CCDC17: variants seen among roughly 807,000 people sequenced by gnomAD.
CCDC17 encodes the protein coiled-coil domain containing 17, also known as coiled-coil domain-containing protein 17.
In CCDC17, 79 loss-of-function variants were observed where a neutral mutation model predicts 68.0. The observed-to-expected ratio is 1.16, with a 90% CI of 0.97 to 1.40. The LOEUF is 1.40. CCDC17 is among the 40% of genes most tolerant of loss of function. CCDC17 has a pLI of 0.00. For synonymous variants in CCDC17, 376 were observed against 337.5 expected, an observed-to-expected ratio of 1.11 and a Z score of -1.25; for missense variants, 846 against 811.5, an observed-to-expected ratio of 1.04 and a Z score of -0.52.
chr1:45,622,056 C>A, intron 7 of CCDC17, 61 bp from the exon 8 acceptor site: 1 of 1,497,410 alleles, frequency 6.7e-7, no homozygotes. Flanking sequence ...AGCTGAGATA[C>A]CCCTCCCCCA....
Position 45,622,732 on chromosome 1 carries a change from C to A in CCDC17, c.740+19G>T, listed in dbSNP as rs368839811. The A allele has an allele frequency of 6.4e-7, 1 of 1,572,456 alleles. No individual in the cohort carries two copies. Among genetic ancestry groups the A allele is most frequent in the Non-Finnish European group, 8.6e-7 (1 of 1,158,450 alleles). On this transcript the variant is annotated intron_variant, in intron 5 of 12. Coordinates refer to ENST00000528266, the MANE Select transcript of CCDC17 (RefSeq NM_001114938.3). ...GCTCAGCGCTTCGCCCTATGCCCAT[C>A]TCCGGCCCCGGCTCTCACCGGATTT...
Position 45,622,675 on chromosome 1 carries a change from G to GT in CCDC17, c.741-9dup. 1 of 1,554,870 alleles carries GT rather than the reference G, an allele frequency of 6.4e-7. No homozygotes were observed. Among genetic ancestry groups the GT allele is most frequent in the Non-Finnish European group, 8.7e-7 (1 of 1,148,886 alleles). On this transcript the variant is annotated splice_polypyrimidine_tract_variant and intron_variant, in intron 5 of 12. Transcript: ENST00000528266. ...TAGGCCTCCCGCAGCGCCCTAGGGA[G>GT]TGGGGAACAGGAAGGCCGTCTTTCC...
At chr1:45,623,496 T>C (rs1432286286) in intron 2 of CCDC17, 57 bp from the exon 3 acceptor site, 3 of 1,549,042 alleles carry the variant, frequency 1.9e-6, no homozygotes, top group South Asian at 2.4e-5. Context: ...CCAAGTATGA[T>C]CTACAGGTTT....
intron 7 of CCDC17, 55 bp downstream of exon 7, chr1:45,622,186 C>T (rs973428021): frequency 9.2e-6 from 14 of 1,521,622 alleles, no homozygotes; most frequent in Middle Eastern, 3.4e-4. Context: ...CTGCCTGAGC[C>T]AGGCCTGCTG....
At position 45,623,136 on chromosome 1, in the gene CCDC17, A is replaced by C. The variant is rs1456223628; in HGVS notation, c.494-19T>G. 6.5e-7 allele frequency: 1 copy of C among 1,543,220 alleles called. No individual in the cohort carries two copies. Among genetic ancestry groups the C allele is most frequent in the African/African-American group, 1.4e-5 (1 of 72,796 alleles). On this transcript the variant is annotated intron_variant, in intron 3 of 12. Coordinates refer to ENST00000528266, the MANE Select transcript of CCDC17 (RefSeq NM_001114938.3). ...CTCAGTTCTGAGGGAATGCGGGCCG[A>C]GTCAGAACCGGCCCGAGCAAGCTTA...
Position 45,622,827 on chromosome 1 carries a change from G to T in CCDC17, c.664C>A (p.Leu222Met), listed in dbSNP as rs763870322. ...AGTTCTGCCTCTCGCCGGGAGCTCA[G>T]CGGGTTCCTGGGGTGGCAGGCGACG... ...QELQAEPGNP[L>M]SSRREAELYS... is the part of the protein sequence containing the mutation. The change falls in exon 5 of 13, where the codon CTG becomes ATG. Residue 222 changes from leucine (L) to methionine (M), a missense_variant. Leu to Met is a conservative substitution (Grantham distance 15, BLOSUM62 2). Transcript: ENST00000528266. 4 of 1,597,672 alleles carry T rather than the reference G, an allele frequency of 2.5e-6. No homozygotes were observed. In the East Asian group the frequency reaches 9.1e-5, roughly 36 times the overall value.
In CCDC17 at chr1:45,623,928, T is replaced by C; in HGVS notation, c.-19A>G. Reference sequence around the variant, plus strand: ...AGTCCATGGGATGGGACCCGTTTCCTGAAACCAGCCAAGACCTGCAGAAGG... The same window carrying C: ...AGTCCATGGGATGGGACCCGTTTCCCGAAACCAGCCAAGACCTGCAGAAGG... On this transcript the variant is annotated 5_prime_UTR_variant, in exon 1 of 13. Coordinates refer to ENST00000528266, the MANE Select transcript of CCDC17 (RefSeq NM_001114938.3). 2.7e-6 allele frequency: 4 copies of C among 1,475,798 alleles called. No homozygotes were observed. Among genetic ancestry groups the C allele is most frequent in the South Asian group, 1.4e-5 (1 of 71,938 alleles). 91.4% of individuals were successfully genotyped at this position (1,475,798 alleles called of 1,614,324 possible).
In CCDC17 at chr1:45,623,411, T is replaced by G; in HGVS notation, c.299A>C (p.Glu100Ala). The G allele has an allele frequency of 6.4e-7, 1 of 1,550,612 alleles. No homozygotes were observed. The highest frequency in any genetic ancestry group is 8.7e-7 in the Non-Finnish European group (1 of 1,146,980). Residue 100 changes from glutamate to alanine, a missense_variant, in exon 3 of 13, where the codon GAA (glutamate) becomes GCA (alanine). Transcript: ENST00000528266. ...GACCTCTGTTATCCAGGGCCGCATTTCCTGTAGGGATAGCCGCAGCCACTG... is the reference window on the plus strand; with the variant it reads ...GACCTCTGTTATCCAGGGCCGCATTGCCTGTAGGGATAGCCGCAGCCACTG... ...EVQWLRLSLQ[E>A]MRPWITEVPR...
At chr1:45,621,256 A>G (rs765668103) in intron 10 of CCDC17, 25 bp downstream of exon 10, 1 of 1,556,294 alleles carries the variant, frequency 6.4e-7, no homozygotes, top group African/African-American at 1.4e-5. Context: ...GCAGAGTACC[A>G]GAGTCATGAT....
Position 45,623,129 on chromosome 1 carries a change from CG to C in CCDC17, c.494-13del. The C allele has an allele frequency of 1.3e-6, 2 of 1,544,156 alleles. No homozygotes were observed. The highest frequency in any genetic ancestry group is 1.8e-6 in the Non-Finnish European group (2 of 1,142,644). ...GCGTCGGCTCAGTTCTGAGGGAATG[CG>C]GGCCGAGTCAGAACCGGCCCGAGCA... is the stretch of plus-strand genomic sequence containing the variant. On this transcript the variant is annotated splice_polypyrimidine_tract_variant and intron_variant, in intron 3 of 12. Coordinates refer to ENST00000528266, the MANE Select transcript of CCDC17 (RefSeq NM_001114938.3).
Position 45,620,911 on chromosome 1 carries a change from T to C in CCDC17, c.1591A>G (p.Ile531Val). The change falls in exon 11 of 13, where the codon ATT (isoleucine) becomes GTT (valine). Residue 531 changes from isoleucine (I) to valine (V), a missense_variant. Physicochemically the swap from Ile to Val is conservative, Grantham distance 29. Transcript: ENST00000528266. The stretch of plus-strand genomic sequence containing the variant: ...CTGCGCACCACACTCACCTGAGGAA[T>C]CCCATTCAGCTGCCCAAGGCTAAGG... ...PSLSLGQLNG[I>V]PQAGQAELFL... 6.2e-7 allele frequency: 1 copy of C among 1,613,656 alleles called. No homozygotes were observed. The highest frequency in any genetic ancestry group is 8.5e-7 in the Non-Finnish European group (1 of 1,179,768).
chr1:45,620,861 T>C, intron 11 of CCDC17, 28 bp from the exon 12 acceptor site: 1 of 1,610,880 alleles, frequency 6.2e-7, no homozygotes, highest in Non-Finnish European at 8.5e-7. Flanking sequence ...GGTATTGCAC[T>C]TGTACTTTGC....
In CCDC17 at chr1:45,621,057, A is replaced by G. The variant is rs1350631366; in HGVS notation, c.1445T>C (p.Leu482Pro). The change falls in exon 11 of 13, where the codon CTA (leucine) becomes CCA (proline). Residue 482 changes from leucine to proline, a missense_variant. Coordinates refer to ENST00000528266, the MANE Select transcript of CCDC17 (RefSeq NM_001114938.3). Reference protein sequence around the residue: ...LVCELQVWQGLAWARAPQPKA... With the variant: ...LVCELQVWQGPAWARAPQPKA... ...TGGCTGTGGTGCCCTAGCCCATGCTAGCCCCTGCCAGACCTGCAGCTCACA... is the reference window on the plus strand; with the variant it reads ...TGGCTGTGGTGCCCTAGCCCATGCTGGCCCCTGCCAGACCTGCAGCTCACA... 1 of 1,613,904 alleles carries G rather than the reference A, an allele frequency of 6.2e-7. No homozygotes were observed. Among genetic ancestry groups the G allele is most frequent in the Non-Finnish European group, 8.5e-7 (1 of 1,179,900 alleles).
chr1:45,623,883 C>G lies in CCDC17; in HGVS notation c.27G>C (p.Ala9=), dbSNP rs1266551236. Residue 9 remains alanine, a synonymous_variant, in exon 1 of 13, where the codon GCG becomes GCC. Transcript: ENST00000528266. ...TGTCACAGGTCCCACAGGGCAGGAG[C>G]GCAGGCTCCCCAGAGTGGGAGTCCA... MDSHSGEP[A]LLPCGTCDMV... is the part of the protein sequence containing the mutation. 1 of 1,536,408 alleles carries G rather than the reference C, an allele frequency of 6.5e-7. No homozygotes were observed. The highest frequency in any genetic ancestry group is 2.4e-5 in the East Asian group (1 of 40,874).
Position 45,620,282 on chromosome 1 carries a change from C to G in CCDC17, c.1862G>C (p.Ser621Thr). Residue 621 changes from serine (S) to threonine (T), a missense_variant, in exon 13 of 13, where the codon AGT becomes ACT. Ser to Thr is a moderately conservative substitution (Grantham distance 58, BLOSUM62 1). Coordinates refer to ENST00000528266, the MANE Select transcript of CCDC17 (RefSeq NM_001114938.3). ...CTCCACATTCACTTGGGTTCAGAAACTCACTGGGGGCAAGTCAGAACTGTG... is the reference window on the plus strand; with the variant it reads ...CTCCACATTCACTTGGGTTCAGAAAGTCACTGGGGGCAAGTCAGAACTGTG... ...PHHSSDLPPV[S>T]F 6.2e-7 allele frequency: 1 copy of G among 1,609,350 alleles called. No homozygotes were observed. The highest frequency in any genetic ancestry group is 8.5e-7 in the Non-Finnish European group (1 of 1,178,560).
At position 45,620,845 on chromosome 1, in the gene CCDC17, T is replaced by C. The variant is rs984407882; in HGVS notation, c.1600-12A>G. ...TCAGCCTGACCTGCCTGGGGAGAGA[T>C]GAAATGGTATTGCACTTGTACTTTG... On this transcript the variant is annotated splice_polypyrimidine_tract_variant and intron_variant, in intron 11 of 12. Coordinates refer to ENST00000528266, the MANE Select transcript of CCDC17 (RefSeq NM_001114938.3). 11 of 1,610,090 alleles carry C rather than the reference T, an allele frequency of 6.8e-6. No individual in the cohort carries two copies. The highest frequency in any genetic ancestry group is 1.1e-5 in the South Asian group (1 of 90,278).
At position 45,622,597 on chromosome 1, in the gene CCDC17, G is replaced by T. The variant is rs759048429; in HGVS notation, c.811C>A (p.Gln271Lys). ...PGVLGQIWQLQVEASALELQR... is the reference protein window; with the variant it reads ...PGVLGQIWQLKVEASALELQR... ...AGCTCCAGTGCAGACGCCTCCACCTGCAACTGCCATATCTGGCCCAGCACG... is the reference window on the plus strand; with the variant it reads ...AGCTCCAGTGCAGACGCCTCCACCTTCAACTGCCATATCTGGCCCAGCACG... The change falls in exon 6 of 13, where the codon CAG (glutamine) becomes AAG (lysine). Residue 271 changes from glutamine to lysine, a missense_variant. Physicochemically the swap from Gln to Lys is moderately conservative, Grantham distance 53. Transcript: ENST00000528266. 1.3e-6 allele frequency: 2 copies of T among 1,555,282 alleles called. No homozygotes were observed. Among genetic ancestry groups the T allele is most frequent in the East Asian group, 4.9e-5 (2 of 41,082 alleles).
chr1:45,620,841 G>A lies in CCDC17; in HGVS notation c.1600-8C>T. 1 of 1,610,126 alleles carries A rather than the reference G, an allele frequency of 6.2e-7. No individual in the cohort carries two copies. Among genetic ancestry groups the A allele is most frequent in the Non-Finnish European group, 8.5e-7 (1 of 1,178,114 alleles). On this transcript the variant is annotated splice_polypyrimidine_tract_variant and splice_region_variant and intron_variant, in intron 11 of 12. Coordinates refer to ENST00000528266, the MANE Select transcript of CCDC17 (RefSeq NM_001114938.3). ...GAGCTCAGCCTGACCTGCCTGGGGA[G>A]AGATGAAATGGTATTGCACTTGTAC... is the stretch of plus-strand genomic sequence containing the variant.
intron 8 of CCDC17, 37 bp downstream of exon 8, chr1:45,621,840 G>T (rs751401473): frequency 5.0e-6 from 8 of 1,592,282 alleles, no homozygotes; most frequent in Non-Finnish European, 6.8e-6. Context: ...AACCCACCCC[G>T]TGTCCTCACA....
Sources: gnomAD v4.1 joint callset for allele counts on GRCh38, gnomAD v4.1.1 for gene constraint, MANE v1.5 for transcripts, NCBI Gene and HGNC (gene_info 2026-07-23, HGNC 2026-07-21) for gene names.